The following DNAH6 variants were observed in gnomAD, a reference collection of about 807,000 sequenced individuals.
DNAH6 encodes the protein dynein axonemal heavy chain 6.
DNAH6 carries 340 observed loss-of-function variants against 491.4 expected under a neutral mutation model. The ratio of observed to expected loss-of-function variants is 0.69; its 90% CI spans 0.63 to 0.76. The LOEUF (loss-of-function observed/expected upper bound fraction) is 0.76, where lower values mean the gene tolerates loss of function less well. DNAH6 is among the 30% of genes least tolerant of loss of function. The pLI is 0.00. For synonymous variants in DNAH6, 1,603 were observed against 1,686.1 expected, an observed-to-expected ratio of 0.95 and a Z score of 1.21; for missense variants, 4,443 against 4,972.2, an observed-to-expected ratio of 0.89 and a Z score of 3.20.
intron 37 of DNAH6, 33 bp downstream of exon 37, chr2:84,659,202 T>C: frequency 8.7e-7 from 1 of 1,155,760 alleles, no homozygotes; most frequent in Non-Finnish European, 1.2e-6. Flanking sequence ...TTTAACATAA[T>C]AATTCTGAAT....
At chr2:84,759,537 T>C (rs1382229079) in intron 63 of DNAH6, among the ~76,000 whole-genome samples, 1 of 151,338 alleles carries the variant, frequency 6.6e-6, no homozygotes, top group Non-Finnish European at 1.5e-5. Flanking sequence ...AAAAACCCAA[T>C]ACCTAGGAAT....
rs1443354533 is a variant in DNAH6 at position 84,785,598 on chromosome 2, A to G, written c.10954-12A>G. 6.6e-7 allele frequency: 1 copy of G among 1,521,448 alleles called. No homozygotes were observed. The highest frequency in any genetic ancestry group is 2.3e-5 in the Admixed American group (1 of 42,782). 94.2% of individuals were successfully genotyped at this position (1,521,448 alleles called of 1,614,324 possible). On this transcript the variant is annotated splice_polypyrimidine_tract_variant and intron_variant, in intron 66 of 76. Transcript: ENST00000389394. ...TCACTCTCTCTGCCACATATATTCTATCTAAATCCAGGTGACCAATGAGCC... is the reference window on the plus strand; with the variant it reads ...TCACTCTCTCTGCCACATATATTCTGTCTAAATCCAGGTGACCAATGAGCC...
intron 44 of DNAH6, among the ~76,000 whole-genome samples, chr2:84,688,007 G>A (rs1244046928): frequency 3.3e-5 from 5 of 152,040 alleles, no homozygotes; most frequent in Non-Finnish European, 5.9e-5. Flanking sequence ...GGCAGAAGCG[G>A]GCAGATTATT....
chr2:84,607,400 G>A (rs192758777), intron 21 of DNAH6, among the ~76,000 whole-genome samples: 145 of 152,000 alleles, frequency 9.5e-4, no homozygotes, highest in African/African-American at 3.2e-3. Flanking sequence ...TGAATTTTTT[G>A]GTTTCCAAGA....
rs1237862249 is a variant in DNAH6, at chr2:84,689,015, A to G, written c.7292+422A>G. On this transcript the variant is annotated intron_variant, in intron 45 of 76. Coordinates refer to ENST00000389394, the MANE Select transcript of DNAH6 (RefSeq NM_001370.2). ...GCATGTCTGACTCTTACCCACTACA[A>G]GTGTCCTATGAGGGACAACCTTGAC... Among the ~76,000 whole-genome samples the G allele has an allele frequency of 3.9e-5, 6 of 152,222 alleles. No homozygotes were observed. In the East Asian group the frequency reaches 9.6e-4, roughly 24 times the overall value.
chr2:84,761,135 G>T (rs1336688273), intron 63 of DNAH6, among the ~76,000 whole-genome samples: 2 of 151,950 alleles, frequency 1.3e-5, no homozygotes, highest in Admixed American at 6.6e-5. Flanking sequence ...TACTATATTC[G>T]ACCATAAAAA....
At chr2:84,539,875 C>G (rs1678073677) in intron 4 of DNAH6, among the ~76,000 whole-genome samples, 1 of 152,150 alleles carries the variant, frequency 6.6e-6, no homozygotes, top group African/African-American at 2.4e-5. Context: ...AAAGCAAGCA[C>G]TTCTCTTCCC....
chr2:84,512,322 C>G (rs901482491), upstream of DNAH6, among the ~76,000 whole-genome samples: 3 of 152,084 alleles, frequency 2.0e-5, no homozygotes, highest in African/African-American at 4.8e-5. Flanking sequence ...TTGCATTCCC[C>G]CATGATGGAA....
chr2:84,715,979 G>A (rs1414490244), intron 58 of DNAH6, among the ~76,000 whole-genome samples: 2 of 152,046 alleles, frequency 1.3e-5, no homozygotes, highest in Non-Finnish European at 2.9e-5. Context: ...AAATGCACTG[G>A]TCCATACCTG....
At chr2:84,552,070 A>G (rs1679441613) in intron 9 of DNAH6, among the ~76,000 whole-genome samples, 2 of 151,360 alleles carry the variant, frequency 1.3e-5, no homozygotes, top group South Asian at 4.2e-4. Flanking sequence ...AAAAAAAAGA[A>G]TGCTCAAATG....
At chr2:84,601,404 A>T (rs190434749) in intron 18 of DNAH6, among the ~76,000 whole-genome samples, 1 of 152,052 alleles carries the variant, frequency 6.6e-6, no homozygotes, top group Non-Finnish European at 1.5e-5. Context: ...GTTGTTGGAC[A>T]TGTGCACATT....
intron 21 of DNAH6, among the ~76,000 whole-genome samples, chr2:84,611,263 G>T (rs1486461284): frequency 6.6e-6 from 1 of 152,066 alleles, no homozygotes; most frequent in Non-Finnish European, 1.5e-5. Context: ...AAAGGTGAAT[G>T]AAAAATGAAC....
chr2:84,491,943 A>G, the DNAH6 span, among the ~76,000 whole-genome samples: 12 of 152,112 alleles, frequency 7.9e-5, no homozygotes, highest in Non-Finnish European at 1.5e-5. Flanking sequence ...CTGCCCACAC[A>G]TTCAGGTCTT....
intron 72 of DNAH6, among the ~76,000 whole-genome samples, chr2:84,811,016 T>C (rs1679917515): frequency 6.6e-6 from 1 of 152,240 alleles, no homozygotes; most frequent in African/African-American, 2.4e-5. Context: ...TTTCCAGGTC[T>C]ATCATGGAGG....
intron 16 of DNAH6, among the ~76,000 whole-genome samples, chr2:84,589,260 T>A (rs7600418): frequency 0.012 from 1,843 of 152,326 alleles, 39 homozygotes; most frequent in African/African-American, 0.042. Flanking sequence ...TGTGGTCAAT[T>A]AAAACCACAC....
At chr2:84,711,148 T>C (rs1697006634) in intron 56 of DNAH6, among the ~76,000 whole-genome samples, 1 of 152,154 alleles carries the variant, frequency 6.6e-6, no homozygotes, top group African/African-American at 2.4e-5. Context: ...GGGGCTGGGA[T>C]AGTCACCAAT....
intron 22 of DNAH6, among the ~76,000 whole-genome samples, chr2:84,614,523 A>T (rs1210744764): frequency 6.6e-6 from 1 of 152,040 alleles, no homozygotes; most frequent in Non-Finnish European, 1.5e-5. Flanking sequence ...TTATATAATG[A>T]CTTCTTTTCT....
intron 15 of DNAH6, chr2:84,584,601 T>C (rs530418549): frequency 8.8e-5 from 18 of 203,832 alleles, no homozygotes; most frequent in African/African-American, 3.8e-4. Flanking sequence ...AAGTAGTGAA[T>C]ACATTTCAGA....
At position 84,624,461 on chromosome 2, in the gene DNAH6, A is replaced by G; in HGVS notation, c.4198-4A>G. ...AGTGTATCTAATATGTATATCACAT[A>G]TAGGTGGAGACAGTTGAATCTTTTG... On this transcript the variant is annotated splice_polypyrimidine_tract_variant and splice_region_variant and intron_variant, in intron 27 of 76. Coordinates refer to ENST00000389394, the MANE Select transcript of DNAH6 (RefSeq NM_001370.2). 1.3e-6 allele frequency: 2 copies of G among 1,551,504 alleles called. No individual in the cohort carries two copies. Among genetic ancestry groups the G allele is most frequent in the Non-Finnish European group, 1.7e-6 (2 of 1,146,858 alleles).
Sources: allele counts gnomAD v4.1 joint callset (sites outside exome capture counted in the v4.1 genomes callset), GRCh38; gene constraint gnomAD v4.1.1; transcripts MANE v1.5; gene names NCBI Gene and HGNC (gene_info 2026-07-23, HGNC 2026-07-21).